Variants in TET3 observed in about 807,000 individuals in gnomAD.
TET3 encodes the protein methylcytosine dioxygenase TET3.
In TET3, 19 loss-of-function variants were observed where a neutral mutation model predicts 141.4. The ratio of observed to expected loss-of-function variants is 0.13; its 90% CI spans 0.09 to 0.20. The LOEUF is 0.20. TET3 is among the 10% of genes least tolerant of loss of function. TET3 has a pLI of 1.00. For synonymous variants in TET3, 1,043 were observed against 980.9 expected, an observed-to-expected ratio of 1.06 and a Z score of -1.18; for missense variants, 1,874 against 2,356.9, an observed-to-expected ratio of 0.80 and a Z score of 4.24.
the TET3 span, among the ~76,000 whole-genome samples, chr2:74,113,293 G>A: frequency 3.3e-5 from 5 of 152,122 alleles, no homozygotes; most frequent in Non-Finnish European, 7.4e-5. Context: ...GGCTGAGGCA[G>A]GAGAATCACT....
chr2:74,064,846 A>T (rs1027022536), intron 4 of TET3, among the ~76,000 whole-genome samples: 2 of 152,260 alleles, frequency 1.3e-5, no homozygotes, highest in Non-Finnish European at 2.9e-5. Flanking sequence ...ATATATGTAG[A>T]TACTAGTCTA....
At chr2:74,040,194 T>C (rs1411445448) in intron 3 of TET3, among the ~76,000 whole-genome samples, 3 of 152,022 alleles carry the variant, frequency 2.0e-5, no homozygotes, top group Non-Finnish European at 4.4e-5. Flanking sequence ...AGAGAGGGTA[T>C]GTTCAAGAGA....
chr2:74,088,594 T>C (rs571514957), intron 7 of TET3, among the ~76,000 whole-genome samples: 147 of 152,204 alleles, frequency 9.7e-4, no homozygotes, highest in African/African-American at 3.3e-3. Context: ...TGAGCTGAGA[T>C]TGCACCACTG....
At chr2:74,079,295 G>A (rs1463656597) in intron 5 of TET3, among the ~76,000 whole-genome samples, 2 of 152,112 alleles carry the variant, frequency 1.3e-5, no homozygotes, top group Admixed American at 6.6e-5. Context: ...GCAATGAGCC[G>A]AGATTGCACC....
intron 3 of TET3, among the ~76,000 whole-genome samples, chr2:74,039,539 A>G (rs886604601): frequency 6.6e-6 from 1 of 152,224 alleles, no homozygotes; most frequent in African/African-American, 2.4e-5. Flanking sequence ...CAGGCAACAA[A>G]TCACCCCAAA....
chr2:74,123,968 A>G, the TET3 span, among the ~76,000 whole-genome samples: 1 of 149,238 alleles, frequency 6.7e-6, no homozygotes, highest in African/African-American at 2.5e-5. Context: ...CTGGGAGGTG[A>G]GGAGCGTCTC....
At chr2:74,097,085 T>G (rs1360628599) in intron 10 of TET3, among the ~76,000 whole-genome samples, 2 of 146,384 alleles carry the variant, frequency 1.4e-5, no homozygotes, top group Non-Finnish European at 3.0e-5. Context: ...GAGTAAGACC[T>G]TATCTCAAAA....
At chr2:73,987,786 C>T (rs921017442) in intron 2 of TET3, among the ~76,000 whole-genome samples, 1 of 152,236 alleles carries the variant, frequency 6.6e-6, no homozygotes, top group Non-Finnish European at 1.5e-5. Context: ...TTCAAAGCCT[C>T]TTCCAGCTGG....
chr2:74,133,598 G>A, the TET3 span, among the ~76,000 whole-genome samples: 2 of 152,346 alleles, frequency 1.3e-5, no homozygotes, highest in East Asian at 1.9e-4. Flanking sequence ...CTCACCACAT[G>A]GACCTCTCTG....
chr2:74,117,427 G>A, the TET3 span, among the ~76,000 whole-genome samples: 1 of 152,052 alleles, frequency 6.6e-6, no homozygotes, highest in African/African-American at 2.4e-5. Flanking sequence ...AGGCTGGAGT[G>A]CAGTGGTGCG....
chr2:74,085,000 C>G (rs1051600399), intron 6 of TET3, among the ~76,000 whole-genome samples: 1 of 152,000 alleles, frequency 6.6e-6, no homozygotes, highest in African/African-American at 2.4e-5. Context: ...TGGAGAGTTC[C>G]TTAATGAACA....
At chr2:74,135,475 A>C in the TET3 span, 1 of 1,412,222 alleles carries the variant, frequency 7.1e-7, no homozygotes, top group African/African-American at 1.4e-5. Flanking sequence ...TATAATTATA[A>C]TATGGAAATG....
chr2:73,992,349 T>C lies in TET3; in HGVS notation c.303+5643T>C, dbSNP rs984033466. The stretch of plus-strand genomic sequence containing the variant: ...TTTTGTTTGAGATGGAGTCTCGCTC[T>C]GTTACCCAGGCTGGACTGCAATGGC... On this transcript the variant is annotated intron_variant, in intron 2 of 11. Transcript: ENST00000409262. 2.0e-5 allele frequency among the ~76,000 whole-genome samples: 3 copies of C among 151,990 alleles called. No homozygotes were observed. The East Asian group carries it at 5.8e-4, about 29-fold the overall frequency.
intron 8 of TET3, among the ~76,000 whole-genome samples, chr2:74,092,579 C>T (rs981696134): frequency 6.6e-6 from 1 of 152,146 alleles, no homozygotes; most frequent in East Asian, 1.9e-4. Flanking sequence ...CTCTGACCTA[C>T]GGTGTTCAGC....
the TET3 span, among the ~76,000 whole-genome samples, chr2:74,125,427 C>A: frequency 6.6e-6 from 1 of 152,202 alleles, no homozygotes; most frequent in Non-Finnish European, 1.5e-5. Flanking sequence ...AGGCATCATA[C>A]ACTTGAGTTT....
intron 3 of TET3, among the ~76,000 whole-genome samples, chr2:74,017,696 C>T (rs1336291153): frequency 6.6e-6 from 1 of 152,160 alleles, no homozygotes; most frequent in Non-Finnish European, 1.5e-5. Flanking sequence ...CCGCAGTAAA[C>T]ATGGGAGTAC....
At position 74,093,403 on chromosome 2, in the gene TET3, G is replaced by A. The variant is rs1690623765; in HGVS notation, c.3130-126G>A. The A allele has an allele frequency of 1.5e-6, 2 of 1,302,622 alleles. No homozygotes were observed. The highest frequency in any genetic ancestry group is 2.0e-6 in the Non-Finnish European group (2 of 983,872). 80.7% of individuals were successfully genotyped at this position (1,302,622 alleles called of 1,614,324 possible). On this transcript the variant is annotated intron_variant, in intron 9 of 11. Coordinates refer to ENST00000409262, the MANE Select transcript of TET3 (RefSeq NM_001287491.2). This position sits in a 1 kb window ranked among gnomAD's most constrained non-coding sequence, Gnocchi z 4.2. Reference sequence around the variant, plus strand: ...CTCTCAGCCAGAAAACCTCCCTCCTGCAGTCGAAGGGCAAGGTGACTATCA... The same window carrying A: ...CTCTCAGCCAGAAAACCTCCCTCCTACAGTCGAAGGGCAAGGTGACTATCA...
chr2:74,001,067 C>T (rs1036757535), intron 2 of TET3, among the ~76,000 whole-genome samples: 2 of 152,144 alleles, frequency 1.3e-5, no homozygotes, highest in Non-Finnish European at 2.9e-5. Flanking sequence ...CACAGAAACC[C>T]ATTGTTCCAC....
intron 3 of TET3, among the ~76,000 whole-genome samples, chr2:74,019,580 G>C (rs1221829085): frequency 1.3e-5 from 2 of 152,188 alleles, no homozygotes; most frequent in African/African-American, 4.8e-5. Flanking sequence ...ACCAGTACCT[G>C]GCACAAAGCC....
Sources: gnomAD v4.1 joint callset for allele counts (sites outside exome capture counted in the v4.1 genomes callset) on GRCh38, gnomAD v4.1.1 for gene constraint, Gnocchi (gnomAD v3.1) non-coding constraint, MANE v1.5 for transcripts, NCBI Gene and HGNC (gene_info 2026-07-23, HGNC 2026-07-21) for gene names.